Variants in SLC24A3 observed in about 807,000 individuals in gnomAD.
The protein encoded by SLC24A3 is solute carrier family 24 member 3.
SLC24A3 carries 28 observed loss-of-function variants against 75.8 expected under a neutral mutation model. That is an observed-to-expected ratio of 0.37 (90% CI 0.27 to 0.51). The LOEUF (loss-of-function observed/expected upper bound fraction) is 0.51, where lower values mean the gene tolerates loss of function less well. Ranked by LOEUF, SLC24A3 falls within the 20% of genes least tolerant of loss-of-function variation. SLC24A3 has a pLI of 0.94. For missense variants in SLC24A3, 663 were observed against 847.8 expected, an observed-to-expected ratio of 0.78 and a Z score of 2.71; for synonymous variants, 372 against 334.1, an observed-to-expected ratio of 1.11 and a Z score of -1.24.
chr20:19,512,993 G>A (rs570855396), intron 2 of SLC24A3, among the ~76,000 whole-genome samples: 10 of 152,180 alleles, frequency 6.6e-5, no homozygotes, highest in South Asian at 4.1e-4. Context: ...CATTAACTCA[G>A]CATCCCATCT....
intron 12 of SLC24A3, among the ~76,000 whole-genome samples, chr20:19,691,930 G>A (rs1316468437): frequency 3.3e-5 from 5 of 152,090 alleles, no homozygotes; most frequent in East Asian, 1.9e-4. Context: ...AGCAGGGACC[G>A]GAGCCCAGCA....
chr20:19,697,259 A>G (rs1270705456), intron 14 of SLC24A3, among the ~76,000 whole-genome samples: 2 of 152,206 alleles, frequency 1.3e-5, no homozygotes, highest in Non-Finnish European at 2.9e-5. Context: ...GGTAGCACCC[A>G]TAGCCCCTTC....
chr20:19,655,225 C>T (rs2032251889), intron 7 of SLC24A3, among the ~76,000 whole-genome samples: 1 of 152,184 alleles, frequency 6.6e-6, no homozygotes, highest in African/African-American at 2.4e-5. Context: ...AGTGCATCTC[C>T]ACCACTTACT....
chr20:19,494,497 A>G (rs1356859808), intron 2 of SLC24A3, among the ~76,000 whole-genome samples: 1 of 152,178 alleles, frequency 6.6e-6, no homozygotes, highest in Non-Finnish European at 1.5e-5. Flanking sequence ...ACCCTTCTAG[A>G]ATCCTTCTTC....
intron 6 of SLC24A3, among the ~76,000 whole-genome samples, chr20:19,600,339 G>A (rs1228720910): frequency 6.6e-6 from 1 of 152,024 alleles, no homozygotes; most frequent in East Asian, 1.9e-4. Context: ...GCTTCAGGAG[G>A]GCCTCTGAGA....
chr20:19,516,416 C>A (rs999449357), intron 3 of SLC24A3, among the ~76,000 whole-genome samples: 1 of 152,230 alleles, frequency 6.6e-6, no homozygotes, highest in African/African-American at 2.4e-5. Context: ...CGCTGTGAAG[C>A]GAGCTCCCCA....
intron 1 of SLC24A3, among the ~76,000 whole-genome samples, chr20:19,254,713 A>T (rs1004124986): frequency 2.6e-5 from 4 of 152,160 alleles, no homozygotes; most frequent in Non-Finnish European, 5.9e-5. Flanking sequence ...ATTCCAGAGG[A>T]CACACAGCAT....
rs752016252 is a variant in SLC24A3 at position 19,281,053 on chromosome 20, C to T, written c.237C>T (p.Ala79=). Reference sequence around the variant, plus strand: ...ACGACACTCTGACTTCCGAAGATGCCGGACTCCGGAACAGCAAGAACTGCA... The same window carrying T: ...ACGACACTCTGACTTCCGAAGATGCTGGACTCCGGAACAGCAAGAACTGCA... The part of the protein sequence containing the change: ...QVNDTLTSED[A]GLRNSKNCTE... Residue 79 remains alanine (A), a synonymous_variant, in exon 2 of 17, where the codon GCC becomes GCT. Transcript: ENST00000328041. 78 of 1,613,968 alleles carry T rather than the reference C, an allele frequency of 4.8e-5. No homozygotes were observed. The highest frequency in any genetic ancestry group is 6.1e-5 in the Non-Finnish European group (72 of 1,180,004).
At chr20:19,456,400 A>T (rs2122489210) in intron 2 of SLC24A3, among the ~76,000 whole-genome samples, 1 of 152,150 alleles carries the variant, frequency 6.6e-6, no homozygotes, top group South Asian at 2.1e-4. Context: ...ATGAGATCTG[A>T]TGGTTTTATC....
chr20:19,350,947 T>C (rs1985551578), intron 2 of SLC24A3, among the ~76,000 whole-genome samples: 1 of 152,176 alleles, frequency 6.6e-6, no homozygotes, highest in African/African-American at 2.4e-5. Context: ...TATGGACAGA[T>C]AGGATGCTTA....
chr20:19,517,908 C>T (rs1236207988), intron 3 of SLC24A3, among the ~76,000 whole-genome samples: 1 of 152,184 alleles, frequency 6.6e-6, no homozygotes, highest in Non-Finnish European at 1.5e-5. Flanking sequence ...CTGCTGGTGC[C>T]ATCCCCAAGG....
intron 2 of SLC24A3, among the ~76,000 whole-genome samples, chr20:19,328,462 G>A (rs188508804): frequency 6.6e-6 from 1 of 152,348 alleles, no homozygotes; most frequent in African/African-American, 2.4e-5. Context: ...TCAGTTCAGA[G>A]CAGTAACAGG....
At chr20:19,318,164 G>T (rs1366018070) in intron 2 of SLC24A3, among the ~76,000 whole-genome samples, 1 of 152,144 alleles carries the variant, frequency 6.6e-6, no homozygotes, top group Non-Finnish European at 1.5e-5. Context: ...TCCTAGAGTT[G>T]CCCAGTAGGA....
At position 19,281,076 on chromosome 20, in the gene SLC24A3, G is replaced by A; in HGVS notation, c.260G>A (p.Cys87Tyr). The A allele has an allele frequency of 6.2e-7, 1 of 1,614,142 alleles. No homozygotes were observed. Among genetic ancestry groups the A allele is most frequent in the Non-Finnish European group, 8.5e-7 (1 of 1,180,014 alleles). ...GCCGGACTCCGGAACAGCAAGAACT[G>A]CACCGAACCAGGTAACAGTGCTGAC... ...EDAGLRNSKN[C>Y]TEPALHEFPN... The change falls in exon 2 of 17, where the codon TGC becomes TAC. Residue 87 changes from cysteine to tyrosine, a missense_variant. Around this residue, in one of 2 missense-constraint regions of SLC24A3, gnomAD observed 153 missense variants for 144.2 expected, o/e 1.06. Coordinates refer to ENST00000328041, the MANE Select transcript of SLC24A3 (RefSeq NM_020689.4).
chr20:19,385,592 T>C (rs1223124791), intron 2 of SLC24A3, among the ~76,000 whole-genome samples: 3 of 152,202 alleles, frequency 2.0e-5, no homozygotes, highest in Non-Finnish European at 4.4e-5. Flanking sequence ...TTGCTCAAGA[T>C]TGCTTTGGCT....
intron 1 of SLC24A3, among the ~76,000 whole-genome samples, chr20:19,226,182 G>A (rs1335891198): frequency 6.6e-6 from 1 of 152,134 alleles, no homozygotes; most frequent in Non-Finnish European, 1.5e-5. Flanking sequence ...TGCTGAGGTG[G>A]TTTTAATTCT....
At chr20:19,383,018 T>G (rs1986208784) in intron 2 of SLC24A3, among the ~76,000 whole-genome samples, 1 of 152,198 alleles carries the variant, frequency 6.6e-6, no homozygotes, top group Non-Finnish European at 1.5e-5. Context: ...AGAGATGATC[T>G]CTTTTAAAAG....
intron 2 of SLC24A3, among the ~76,000 whole-genome samples, chr20:19,432,631 CTCTT>C (rs1293942795): frequency 6.6e-6 from 1 of 152,194 alleles, no homozygotes; most frequent in Non-Finnish European, 1.5e-5. Flanking sequence ...CTTGGGGTCT[CTCTT>C]GTCACCTGGG....
At chr20:19,284,968 T>A (rs1347211103) in intron 2 of SLC24A3, among the ~76,000 whole-genome samples, 2 of 152,152 alleles carry the variant, frequency 1.3e-5, no homozygotes, top group Non-Finnish European at 2.9e-5. Flanking sequence ...TTTCCCTTAA[T>A]AACTGCTGTG....
Sources: gnomAD v4.1 joint callset for allele counts (sites outside exome capture counted in the v4.1 genomes callset) on GRCh38, gnomAD v4.1.1 for gene constraint, gnomAD v4.1.1 regional missense constraint, MANE v1.5 for transcripts, NCBI Gene and HGNC (gene_info 2026-07-23, HGNC 2026-07-21) for gene names.